PTPRA: variants seen among roughly 807,000 people sequenced by gnomAD.
The protein encoded by PTPRA is receptor-type tyrosine-protein phosphatase alpha.
In PTPRA, 25 loss-of-function variants were observed where a neutral mutation model predicts 104.8. That is an observed-to-expected ratio of 0.24 (90% CI 0.17 to 0.33). PTPRA has a LOEUF of 0.33. Among genes scored for constraint, PTPRA ranks in the 10% least tolerant of loss-of-function variants. PTPRA has a pLI of 1.00. For synonymous variants in PTPRA, 323 were observed against 368.9 expected (o/e 0.88, Z 1.43); for missense variants, 765 against 1,015.3 (o/e 0.75, Z 3.35).
chr20:3,021,558 T>C lies in PTPRA; in HGVS notation c.1161+130T>C. The C allele has an allele frequency of 2.3e-6, 3 of 1,318,882 alleles. No homozygotes were observed. The South Asian group carries it at 4.3e-5, about 19-fold the overall frequency. 81.7% of individuals were successfully genotyped at this position (1,318,882 alleles called of 1,614,324 possible). A position where few individuals can be genotyped will look rare whatever the true frequency, so the allele number is the denominator to read the frequency against. The stretch of plus-strand genomic sequence containing the variant: ...AGTATGTGAATTCTGAAACCAGATA[T>C]CCGGGCTCAGGGGAACTTGTCTGTC... On this transcript the variant is annotated intron_variant, in intron 14 of 23. Transcript: ENST00000399903.
rs2060621454 is a variant in PTPRA, at chr20:2,934,557, T to G, written c.-50+11272T>G. ...AATGCCTAGACTACACTCACCTATT[T>G]GTATATGTGAACTTTTTTTAAAACA... On this transcript the variant is annotated intron_variant, in intron 2 of 23. Transcript: ENST00000399903. Among the ~76,000 whole-genome samples, 4 of 152,164 alleles carry G rather than the reference T, an allele frequency of 2.6e-5. No homozygotes were observed. In the South Asian group the frequency reaches 8.3e-4, roughly 32 times the overall value.
chr20:2,987,624 C>A (rs1203524016), intron 7 of PTPRA, among the ~76,000 whole-genome samples: 1 of 152,166 alleles, frequency 6.6e-6, no homozygotes, highest in South Asian at 2.1e-4. Flanking sequence ...GGACTGTGTC[C>A]ACCCAATCCA....
intron 2 of PTPRA, among the ~76,000 whole-genome samples, chr20:2,941,281 T>G (rs1423496033): frequency 2.0e-5 from 3 of 152,186 alleles, no homozygotes; most frequent in Non-Finnish European, 2.9e-5. Flanking sequence ...TCTGCCCTCC[T>G]TGGCCTCCCA....
intron 12 of PTPRA, among the ~76,000 whole-genome samples, chr20:3,016,277 C>T (rs1026879664): frequency 6.6e-6 from 1 of 152,184 alleles, no homozygotes; most frequent in Non-Finnish European, 1.5e-5. Context: ...TGGTTCTCCC[C>T]CAGCTCATGG....
intron 2 of PTPRA, among the ~76,000 whole-genome samples, chr20:2,924,854 T>G (rs1040077219): frequency 6.6e-6 from 1 of 152,110 alleles, no homozygotes; most frequent in African/African-American, 2.4e-5. Flanking sequence ...CTAATTTTTG[T>G]ATTTTTAATA....
intron 9 of PTPRA, among the ~76,000 whole-genome samples, chr20:2,994,270 G>A (rs2063310810): frequency 6.6e-6 from 1 of 152,128 alleles, no homozygotes; most frequent in African/African-American, 2.4e-5. Context: ...GTTATTGAAG[G>A]GTTCTGGGTC....
intron 20 of PTPRA, among the ~76,000 whole-genome samples, chr20:3,034,412 G>C (rs1284870307): frequency 6.6e-6 from 1 of 152,176 alleles, no homozygotes; most frequent in Non-Finnish European, 1.5e-5. Flanking sequence ...GGTTCTGATG[G>C]TTTTAAAGGC....
At chr20:2,921,972 C>A (rs1468410417) in intron 1 of PTPRA, among the ~76,000 whole-genome samples, 1 of 152,072 alleles carries the variant, frequency 6.6e-6, no homozygotes, top group Non-Finnish European at 1.5e-5. Context: ...GGGGGTTGTC[C>A]TGTGATTTGT....
intron 1 of PTPRA, among the ~76,000 whole-genome samples, chr20:2,914,854 C>T (rs1033438534): frequency 2.5e-4 from 38 of 152,250 alleles, no homozygotes; most frequent in African/African-American, 7.9e-4. Flanking sequence ...TTCATGAACA[C>T]GTACAGAAGG....
intron 17 of PTPRA, 69 bp from the exon 18 acceptor site, chr20:3,026,618 G>C: frequency 7.9e-7 from 1 of 1,268,934 alleles, no homozygotes; most frequent in Non-Finnish European, 1.1e-6. Context: ...GCAGGCCAAG[G>C]GACAGGCATA....
At chr20:2,944,007 A>T (rs1017754627) in intron 2 of PTPRA, among the ~76,000 whole-genome samples, 2 of 151,212 alleles carry the variant, frequency 1.3e-5, no homozygotes, top group Non-Finnish European at 2.9e-5. Flanking sequence ...ATATCAATCA[A>T]TGCTGGGTAG....
chr20:2,999,293 A>G (rs1176863991), intron 9 of PTPRA, among the ~76,000 whole-genome samples: 1 of 152,198 alleles, frequency 6.6e-6, no homozygotes, highest in Non-Finnish European at 1.5e-5. Flanking sequence ...CCCCCAAGAT[A>G]TATAGATTCA....
intron 6 of PTPRA, among the ~76,000 whole-genome samples, chr20:2,980,186 ACAGGCGTGAGC>A (rs2062612382): frequency 6.6e-6 from 1 of 151,910 alleles, no homozygotes; most frequent in South Asian, 2.1e-4. Flanking sequence ...TGTTGGGATT[ACAGGCGTGAGC>A]CACCATGCCC....
intron 1 of PTPRA, among the ~76,000 whole-genome samples, chr20:2,890,631 G>T (rs1445208325): frequency 1.3e-5 from 2 of 152,146 alleles, no homozygotes; most frequent in African/African-American, 4.8e-5. Flanking sequence ...TTTAACAGGG[G>T]AGAGTGTGTA....
chr20:3,020,286 G>T (rs1360542058), intron 13 of PTPRA, among the ~76,000 whole-genome samples: 4 of 151,840 alleles, frequency 2.6e-5, no homozygotes, highest in African/African-American at 9.7e-5. Context: ...TTTTAGTAGA[G>T]ACGGGGTTTC....
chr20:2,865,030 A>T, the PTPRA span: 1 of 1,614,154 alleles, frequency 6.2e-7, no homozygotes, highest in Non-Finnish European at 8.5e-7. This position sits in a 1 kb window ranked among gnomAD's most constrained non-coding sequence, Gnocchi z 5.2. Flanking sequence ...GCCTTCTACA[A>T]GGCCAAGAAT....
intron 3 of PTPRA, among the ~76,000 whole-genome samples, chr20:2,953,319 A>G (rs1215622563): frequency 2.0e-5 from 3 of 152,050 alleles, no homozygotes; most frequent in Admixed American, 6.6e-5. Flanking sequence ...TAGTGGCGCA[A>G]TCTCGGCTCA....
chr20:2,866,419 T>C, the PTPRA span: 22 of 1,614,022 alleles, frequency 1.4e-5, no homozygotes, highest in Non-Finnish European at 1.9e-5. Flanking sequence ...CCTCTCTTGC[T>C]CAAACCACAG....
Position 2,964,862 on chromosome 20 carries a change from T to G in PTPRA, c.75T>G (p.Val25=), listed in dbSNP as rs2061888514. Reference sequence around the variant, plus strand: ...TTCCTTGTTTTTTGGTGTTTGTAGTTGCACCTTCTGTAGGAATTACAAGAT... The same window carrying G: ...TTCCTTGTTTTTTGGTGTTTGTAGTGGCACCTTCTGTAGGAATTACAAGAT... ...ICVSANNATT[V]APSVGITRLI... The change falls in exon 5 of 24, where the codon GTT becomes GTG. Residue 25 remains valine, a splice_region_variant and synonymous_variant. Coordinates refer to ENST00000399903, the MANE Select transcript of PTPRA (RefSeq NM_001385305.1). The G allele has an allele frequency of 8.1e-6, 13 of 1,610,958 alleles. No homozygotes were observed. Among genetic ancestry groups the G allele is most frequent in the Non-Finnish European group, 1.1e-5 (13 of 1,177,722 alleles).
Sources: allele counts gnomAD v4.1 joint callset (sites outside exome capture counted in the v4.1 genomes callset), GRCh38; gene constraint gnomAD v4.1.1; non-coding constraint Gnocchi (gnomAD v3.1); transcripts MANE v1.5; gene names NCBI Gene and HGNC (gene_info 2026-07-23, HGNC 2026-07-21).